SMAD3: variants seen among roughly 807,000 people sequenced by gnomAD.
The protein encoded by SMAD3 is SMAD family member 3, also known as MAD homolog 3.
In SMAD3, 12 loss-of-function variants were observed where a neutral mutation model predicts 51.8. The ratio of observed to expected loss-of-function variants is 0.23; its 90% CI spans 0.15 to 0.38. The LOEUF is 0.38. Among genes scored for constraint, SMAD3 ranks in the 10% least tolerant of loss-of-function variants. The pLI is 1.00. For synonymous variants in SMAD3, 238 were observed against 227.7 expected (o/e 1.05, Z -0.41); for missense variants, 294 against 565.6 (o/e 0.52, Z 4.87).
At chr15:67,066,381 G>T (rs371991136) in intron 1 of SMAD3, 21 bp downstream of exon 1, 16 of 1,601,946 alleles carry the variant, frequency 1.0e-5, no homozygotes, top group African/African-American at 6.7e-5. Flanking sequence ...GCCCGGGGGG[G>T]ACCCGGGGTC....
chr15:67,171,998 A>C, intron 5 of SMAD3, among the ~76,000 whole-genome samples: 1 of 152,196 alleles, frequency 6.6e-6, no homozygotes, highest in East Asian at 1.9e-4. Flanking sequence ...ACTTTTAGTC[A>C]ACAGCCTTCC....
At chr15:67,145,388 G>T (rs1961948080) in intron 1 of SMAD3, among the ~76,000 whole-genome samples, 1 of 152,200 alleles carries the variant, frequency 6.6e-6, no homozygotes, top group African/African-American at 2.4e-5. Flanking sequence ...CTGGGAAAGA[G>T]ATTGTTAATC....
In SMAD3 at chr15:67,194,895, G is replaced by A; in HGVS notation, c.*4359G>A. ...GCCTTCACTCACCTTCACTGCTGCT[G>A]TTGCAACTCGGCTGTTCTGGACTCT... On this transcript the variant is annotated 3_prime_UTR_variant, in exon 9 of 9. Transcript: ENST00000327367. 1 of 233,712 alleles carries A rather than the reference G, an allele frequency of 4.3e-6. No individual in the cohort carries two copies. The highest frequency in any genetic ancestry group is 8.5e-6 in the Non-Finnish European group (1 of 117,918). 14.5% of individuals were successfully genotyped at this position (233,712 alleles called of 1,614,324 possible).
chr15:67,100,145 C>T (rs1396400182), intron 1 of SMAD3, among the ~76,000 whole-genome samples: 1 of 143,670 alleles, frequency 7.0e-6, no homozygotes, highest in African/African-American at 2.6e-5. Context: ...CGCACCCTTG[C>T]ACTCCAGCCT....
intron 1 of SMAD3, among the ~76,000 whole-genome samples, chr15:67,125,100 GCAGTTGTGTTGAATGGCTA>G (rs1380288380): frequency 6.6e-6 from 1 of 152,230 alleles, no homozygotes; most frequent in East Asian, 1.9e-4. Flanking sequence ...GTCATGGGAA[GCAGTTGTGTTGAATGGCTA>G]CAGGCCCTGG....
chr15:67,143,412 CA>C (rs1166855293), intron 1 of SMAD3, among the ~76,000 whole-genome samples: 4 of 152,096 alleles, frequency 2.6e-5, no homozygotes, highest in African/African-American at 9.7e-5. Context: ...TTTTCATTTT[CA>C]AATCCATATT....
chr15:67,086,915 G>T (rs534892195), intron 1 of SMAD3, among the ~76,000 whole-genome samples: 4 of 146,418 alleles, frequency 2.7e-5, no homozygotes, highest in Non-Finnish European at 6.0e-5. Flanking sequence ...TTTTTTCTGA[G>T]ACGGAGTTTC....
intron 7 of SMAD3, chr15:67,186,740 C>A: frequency 4.4e-6 from 1 of 228,430 alleles, no homozygotes; most frequent in Non-Finnish European, 8.8e-6. Context: ...CAGCCCAGTG[C>A]CCAGAGGCCA....
intron 1 of SMAD3, among the ~76,000 whole-genome samples, chr15:67,094,635 G>A (rs954473564): frequency 6.6e-6 from 1 of 152,236 alleles, no homozygotes; most frequent in Non-Finnish European, 1.5e-5. Context: ...GGGCCGAGCT[G>A]AAGATCATAA....
intron 1 of SMAD3, among the ~76,000 whole-genome samples, chr15:67,106,408 C>T (rs73481489): frequency 0.012 from 1,858 of 152,224 alleles, 40 homozygotes; most frequent in African/African-American, 0.042. Context: ...TTTCAGCTGG[C>T]GAATGTGAGT....
At chr15:67,190,369 A>AT (rs777082192) in intron 8 of SMAD3, 44 bp from the exon 9 acceptor site, 4 of 1,596,468 alleles carry the variant, frequency 2.5e-6, no homozygotes, top group African/African-American at 1.3e-5. Context: ...CCCCCTGGAG[A>AT]TTTTTTAAGT....
At chr15:67,165,668 C>T (rs966536436) in intron 3 of SMAD3, among the ~76,000 whole-genome samples, 2 of 152,242 alleles carry the variant, frequency 1.3e-5, no homozygotes, top group Non-Finnish European at 2.9e-5. Flanking sequence ...GCGGAAATAG[C>T]AACACTGTTT....
At chr15:67,188,153 T>TC (rs1491579126) in intron 8 of SMAD3, among the ~76,000 whole-genome samples, 8 of 58,008 alleles carry the variant, frequency 1.4e-4, no homozygotes, top group South Asian at 4.4e-4. Context: ...TTTTTCTTTT[T>TC]TTTTTTTTTT....
intron 1 of SMAD3, among the ~76,000 whole-genome samples, chr15:67,096,891 T>C (rs1736383417): frequency 6.6e-6 from 1 of 152,216 alleles, no homozygotes; most frequent in African/African-American, 2.4e-5. Context: ...GGTGGCTCTG[T>C]TGATAGAGAT....
At chr15:67,112,845 A>C (rs1703811850) in intron 1 of SMAD3, among the ~76,000 whole-genome samples, 1 of 130,882 alleles carries the variant, frequency 7.6e-6, no homozygotes, top group Non-Finnish European at 1.6e-5. Context: ...GTTCAACTTC[A>C]TTCTTTTGCA....
intron 1 of SMAD3, among the ~76,000 whole-genome samples, chr15:67,143,309 T>G (rs187439965): frequency 2.0e-5 from 3 of 152,352 alleles, no homozygotes; most frequent in Admixed American, 1.3e-4. Flanking sequence ...CTCATTAATG[T>G]TTTAGTATTT....
chr15:67,097,935 T>C (rs1960650753), intron 1 of SMAD3, among the ~76,000 whole-genome samples: 1 of 151,946 alleles, frequency 6.6e-6, no homozygotes, highest in Admixed American at 6.6e-5. Context: ...GAAAGAAAAA[T>C]TGTAGTGTTT....
intron 5 of SMAD3, chr15:67,174,710 A>G (rs1356252031): frequency 1.3e-5 from 2 of 152,270 alleles, no homozygotes; most frequent in African/African-American, 4.8e-5. Context: ...AGGCAAGCAC[A>G]CAGGGAGCTC....
chr15:67,110,324 G>C (rs1313604805), intron 1 of SMAD3, among the ~76,000 whole-genome samples: 1 of 152,204 alleles, frequency 6.6e-6, no homozygotes, highest in Non-Finnish European at 1.5e-5. Flanking sequence ...TCTGCTGGTG[G>C]AGGAAAGGCC....
Sources: allele counts gnomAD v4.1 joint callset (sites outside exome capture counted in the v4.1 genomes callset), GRCh38; gene constraint gnomAD v4.1.1; transcripts MANE v1.5; gene names NCBI Gene and HGNC (gene_info 2026-07-23, HGNC 2026-07-21).